SRBD1: variants seen among roughly 807,000 people sequenced by gnomAD.
The protein encoded by SRBD1 is S1 RNA-binding domain-containing protein 1.
In SRBD1, 88 loss-of-function variants were observed where a neutral mutation model predicts 115.3. That is an observed-to-expected ratio of 0.76 (90% CI 0.64 to 0.91). The LOEUF (loss-of-function observed/expected upper bound fraction) is 0.91. Ranked by LOEUF, SRBD1 falls within the 40% of genes least tolerant of loss-of-function variation. The pLI, the probability that SRBD1 is intolerant of heterozygous loss-of-function variation, is 0.00. For missense variants in SRBD1, 1,385 were observed against 1,177.4 expected (o/e 1.18, Z -2.58); for synonymous variants, 509 against 407.7 (o/e 1.25, Z -2.99).
chr2:45,555,488 CTTTTTTTTTTT>C (rs35646522), intron 10 of SRBD1, among the ~76,000 whole-genome samples: 1 of 121,386 alleles, frequency 8.2e-6, no homozygotes, highest in African/African-American at 3.2e-5. Flanking sequence ...TCATTAAACC[CTTTTTTTTTTT>C]TTTTTTTTTG....
rs767209168 is a variant in SRBD1 at position 45,393,091 on chromosome 2, C to T, written c.2552G>A (p.Gly851Glu). 34 of 1,613,258 alleles carry T rather than the reference C, an allele frequency of 2.1e-5. No individual in the cohort carries two copies. In the South Asian group the frequency reaches 3.3e-4, roughly 16 times the overall value. Residue 851 changes from glycine (G) to glutamate (E), a missense_variant, in exon 20 of 21, where the codon GGA becomes GAA. Physicochemically the swap from Gly to Glu is moderately conservative, Grantham distance 98. Coordinates refer to ENST00000263736, the MANE Select transcript of SRBD1 (RefSeq NM_018079.5). The stretch of plus-strand genomic sequence containing the variant: ...TATTTTTTGTTGCATTTCAGGCTTT[C>T]CAACCTCATACAGTGTCCCTCCAAT... ...SSIGGTLYEV[G>E]KPEMQQKINS... is the part of the protein sequence containing the mutation.
chr2:45,452,196 A>C (rs1249694980), intron 16 of SRBD1, among the ~76,000 whole-genome samples: 5 of 152,010 alleles, frequency 3.3e-5, no homozygotes. Flanking sequence ...TTACAGTTCA[A>C]TTTCTCATTT....
chr2:45,555,346 T>C (rs1672440083), intron 10 of SRBD1, among the ~76,000 whole-genome samples: 1 of 152,090 alleles, frequency 6.6e-6, no homozygotes, highest in Admixed American at 6.5e-5. Context: ...GATGCACCAC[T>C]GCACTACAGC....
chr2:45,451,120 C>A (rs184145213), intron 16 of SRBD1, among the ~76,000 whole-genome samples: 4 of 152,100 alleles, frequency 2.6e-5, no homozygotes, highest in Admixed American at 6.6e-5. Context: ...CTGATTCAAG[C>A]TACAAATGAC....
intron 15 of SRBD1, among the ~76,000 whole-genome samples, chr2:45,484,452 C>T (rs1453112075): frequency 3.3e-5 from 5 of 152,200 alleles, no homozygotes; most frequent in Non-Finnish European, 5.9e-5. Context: ...CATTTGTAAG[C>T]TGTGCCCTCT....
intron 19 of SRBD1, among the ~76,000 whole-genome samples, chr2:45,400,443 T>C (rs1402854555): frequency 6.6e-6 from 1 of 152,116 alleles, no homozygotes; most frequent in African/African-American, 2.4e-5. Context: ...ACACTCCTCC[T>C]TCATTGGGTA....
At chr2:45,392,923 T>C (rs772160911) in intron 20 of SRBD1, 22 bp downstream of exon 20, 4 of 1,581,456 alleles carry the variant, frequency 2.5e-6, no homozygotes, top group Admixed American at 1.8e-5. Flanking sequence ...CAAGGTGCTA[T>C]AATTCAAGTT....
intron 5 of SRBD1, among the ~76,000 whole-genome samples, chr2:45,585,064 C>T (rs1198676722): frequency 2.6e-5 from 4 of 151,810 alleles, no homozygotes; most frequent in East Asian, 1.9e-4. Context: ...GCAGGAGAGT[C>T]GCCTGAGCCT....
chr2:45,580,163 T>C, intron 6 of SRBD1, 150 bp from the exon 7 acceptor site: 1 of 628,102 alleles, frequency 1.6e-6, no homozygotes, highest in Non-Finnish European at 2.5e-6. Flanking sequence ...AAAACTAATT[T>C]GAAAATGCTT....
At chr2:45,588,615 T>C (rs188688384) in intron 4 of SRBD1, among the ~76,000 whole-genome samples, 134 of 152,036 alleles carry the variant, frequency 8.8e-4, no homozygotes, top group Non-Finnish European at 1.5e-3. Context: ...CACTTGACCC[T>C]AACTCCAGCT....
At chr2:45,578,196 G>A (rs1673237381) in intron 7 of SRBD1, among the ~76,000 whole-genome samples, 1 of 152,196 alleles carries the variant, frequency 6.6e-6, no homozygotes, top group Admixed American at 6.5e-5. Context: ...ATAAGCCTTT[G>A]TGCATCTAAC....
intron 16 of SRBD1, among the ~76,000 whole-genome samples, chr2:45,436,281 A>G (rs774495393): frequency 3.3e-5 from 5 of 152,250 alleles, no homozygotes; most frequent in Admixed American, 6.5e-5. Context: ...AAAAACATCT[A>G]CAAAAACCCT....
chr2:45,554,217 C>G (rs1019449072), intron 10 of SRBD1, among the ~76,000 whole-genome samples: 4 of 152,172 alleles, frequency 2.6e-5, no homozygotes, highest in African/African-American at 9.7e-5. Context: ...CTCTCTCTTT[C>G]TCAACCATGT....
intron 9 of SRBD1, chr2:45,569,179 A>G (rs1053844800): frequency 6.6e-6 from 1 of 152,202 alleles, no homozygotes; most frequent in African/African-American, 2.4e-5. Context: ...ATGAAAAACA[A>G]TTACTTTTTT....
rs1482004129 is a variant in SRBD1 at position 45,606,637 on chromosome 2, C to G, written c.1-1196G>C. 2.0e-5 allele frequency among the ~76,000 whole-genome samples: 3 copies of G among 152,110 alleles called. 1 individual carries two copies. The highest frequency in any genetic ancestry group is 4.4e-5 in the Non-Finnish European group (3 of 68,024). ...TGATTAATCACTATGTGACTAAAAA[C>G]TATTTACCAAATTCGAAGGCCAAGC... On this transcript the variant is annotated intron_variant, in intron 1 of 20. Coordinates refer to ENST00000263736, the MANE Select transcript of SRBD1 (RefSeq NM_018079.5).
chr2:45,507,005 G>T (rs1312991748), intron 14 of SRBD1, among the ~76,000 whole-genome samples: 3 of 152,036 alleles, frequency 2.0e-5, no homozygotes, highest in African/African-American at 2.4e-5. Context: ...GAAATAGAGG[G>T]TTTTGTTTTT....
intron 14 of SRBD1, among the ~76,000 whole-genome samples, chr2:45,505,544 C>A (rs986057347): frequency 9.2e-5 from 14 of 152,148 alleles, no homozygotes; most frequent in Admixed American, 6.5e-4. Context: ...TCCTTCTATG[C>A]AGAGAAGAAA....
intron 14 of SRBD1, among the ~76,000 whole-genome samples, chr2:45,502,574 C>T (rs535622411): frequency 9.2e-5 from 14 of 151,742 alleles, no homozygotes; most frequent in African/African-American, 1.5e-4. Context: ...AGCAAACTAT[C>T]GCAGGGACAG....
rs183473332 is a variant in SRBD1, at chr2:45,428,074, T to C, written c.2050-8180A>G. Among the ~76,000 whole-genome samples the C allele has an allele frequency of 1.6e-4, 25 of 152,288 alleles. 1 individual carries two copies. Among genetic ancestry groups the C allele is most frequent in the African/African-American group, 6.0e-4 (25 of 41,562 alleles). Reference sequence around the variant, plus strand: ...TCTTCTCAGCACCACATCGCACTTATTCTAAAATTGACCACATAGTTGGAA... The same window carrying C: ...TCTTCTCAGCACCACATCGCACTTACTCTAAAATTGACCACATAGTTGGAA... On this transcript the variant is annotated intron_variant, in intron 16 of 20. Coordinates refer to ENST00000263736, the MANE Select transcript of SRBD1 (RefSeq NM_018079.5).
Sources: allele counts gnomAD v4.1 joint callset (sites outside exome capture counted in the v4.1 genomes callset), GRCh38; gene constraint gnomAD v4.1.1; transcripts MANE v1.5; gene names NCBI Gene and HGNC (gene_info 2026-07-23, HGNC 2026-07-21).